The following TCFL5 variants were observed in gnomAD, a reference collection of about 807,000 sequenced individuals.
The protein encoded by TCFL5 is transcription factor-like 5 protein.
Under a neutral mutation model 44.3 loss-of-function variants are expected in TCFL5, and 9 were observed. The observed-to-expected ratio is 0.20, with a 90% CI of 0.12 to 0.35. The LOEUF (loss-of-function observed/expected upper bound fraction) is 0.35. Ranked by LOEUF, TCFL5 falls within the 10% of genes least tolerant of loss-of-function variation. TCFL5 has a pLI of 1.00. For missense variants in TCFL5, 603 were observed against 613.4 expected (o/e 0.98, Z 0.18); for synonymous variants, 319 against 271.6 (o/e 1.17, Z -1.72).
At chr20:62,850,726 C>T (rs1036590987) in intron 5 of TCFL5, among the ~76,000 whole-genome samples, 1 of 152,212 alleles carries the variant, frequency 6.6e-6, no homozygotes, top group Middle Eastern at 3.2e-3. Context: ...TAGCGGTCCA[C>T]CAGGCCCCAG....
rs779698049 is a variant in TCFL5 at position 62,861,719 on chromosome 20, C to CGGCGGGAGGCGGGA, written c.-63_-50dup. ...CGGCGAGGGCGACGCGGGCGGCGGG[C>CGGCGGGAGGCGGGA]GGCGGGAGGCGGGAGGCGGGAGGCG... On this transcript the variant is annotated 5_prime_UTR_variant, in exon 1 of 6. Coordinates refer to ENST00000335351, the MANE Select transcript of TCFL5 (RefSeq NM_006602.4). This position sits in a 1 kb window ranked among gnomAD's most constrained non-coding sequence, Gnocchi z 4.0. 160 of 135,444 alleles carry CGGCGGGAGGCGGGA rather than the reference C, an allele frequency of 1.2e-3. 1 individual carries two copies. Among genetic ancestry groups the CGGCGGGAGGCGGGA allele is most frequent in the East Asian group, 2.5e-3 (8 of 3,244 alleles). The allele number at this position is 135,444 out of a possible 1,614,324, so 8.4% of individuals were successfully genotyped here. A position where few individuals can be genotyped will look rare whatever the true frequency, so the allele number is the denominator to read the frequency against.
chr20:62,842,042 G>A lies in TCFL5; in HGVS notation c.1436C>T (p.Pro479Leu), dbSNP rs201056573. The A allele has an allele frequency of 6.1e-5, 98 of 1,614,216 alleles. No individual in the cohort carries two copies. In the East Asian group the frequency reaches 1.5e-3, roughly 24 times the overall value. ...TGCAGGACAGGTCACCAAGGAGTCC[G>A]GTCTGGTCAGCTTTAGCCTTCGGCC... ...KTGRRLKLTRPDSLVTCPAQG... is the reference protein window; with the variant it reads ...KTGRRLKLTRLDSLVTCPAQG... The change falls in exon 6 of 6, where the codon CCG becomes CTG. Residue 479 changes from proline (P) to leucine (L), a missense_variant. By Grantham distance (98) the Pro-to-Leu change is moderately conservative. Coordinates refer to ENST00000335351, the MANE Select transcript of TCFL5 (RefSeq NM_006602.4). This position sits in a 1 kb window ranked among gnomAD's most constrained non-coding sequence, Gnocchi z 4.3.
In TCFL5 at chr20:62,852,363, G is replaced by A. The variant is rs1002587796; in HGVS notation, c.1380+1653C>T. On this transcript the variant is annotated intron_variant, in intron 5 of 5. Transcript: ENST00000335351. ...GGCAGGGCCCAGGACCCTGGAACTCGGGTCCCCTGAAGGCAGGGCCCAGAA... is the reference window on the plus strand; with the variant it reads ...GGCAGGGCCCAGGACCCTGGAACTCAGGTCCCCTGAAGGCAGGGCCCAGAA... 19 of 981,208 alleles carry A rather than the reference G, an allele frequency of 1.9e-5. 1 individual carries two copies. Among genetic ancestry groups the A allele is most frequent in the Middle Eastern group, 1.0e-3 (2 of 1,926 alleles). The allele number at this position is 981,208 out of a possible 1,614,324, so 60.8% of individuals were successfully genotyped here. A position where few individuals can be genotyped will look rare whatever the true frequency, so the allele number is the denominator to read the frequency against.
In TCFL5 at chr20:62,854,028, A is replaced by C; in HGVS notation, c.1368T>G (p.Asp456Glu). The change falls in exon 5 of 6, where the codon GAT becomes GAG. Residue 456 changes from aspartate to glutamate, a missense_variant. Coordinates refer to ENST00000335351, the MANE Select transcript of TCFL5 (RefSeq NM_006602.4). ...GCCTACCACTAACCTTTTTAAGAGA[A>C]TCTCCATGTCTTTCCTGGATGTATT... ...FLKYIQERHGDSLKKEFESVF... is the reference protein window; with the variant it reads ...FLKYIQERHGESLKKEFESVF... The C allele has an allele frequency of 6.2e-7, 1 of 1,613,974 alleles. No homozygotes were observed. Among genetic ancestry groups the C allele is most frequent in the Non-Finnish European group, 8.5e-7 (1 of 1,179,988 alleles).
chr20:62,844,568 TTTGTTTG>T (rs2063716280), intron 5 of TCFL5, among the ~76,000 whole-genome samples: 1 of 142,080 alleles, frequency 7.0e-6, no homozygotes, highest in South Asian at 2.1e-4. Context: ...TCTGTTTTTT[TTTGTTTG>T]TTTTTTGTTT....
At position 62,859,225 on chromosome 20, in the gene TCFL5, C is replaced by T. The variant is rs925480548; in HGVS notation, c.994+139G>A. On this transcript the variant is annotated intron_variant, in intron 3 of 5. Transcript: ENST00000335351. The stretch of plus-strand genomic sequence containing the variant: ...GACAGGGAAGCGGGTGGACAGACCC[C>T]TGAGATACACAGACACCTCCAAGAC... 1.3e-5 allele frequency: 10 copies of T among 743,194 alleles called. No homozygotes were observed. In the African/African-American group the frequency reaches 1.8e-4, roughly 13 times the overall value. The allele number at this position is 743,194 out of a possible 1,614,324, so 46.0% of individuals were successfully genotyped here.
At position 62,841,410 on chromosome 20, in the gene TCFL5, T is replaced by C. The variant is rs1350693223; in HGVS notation, c.*565A>G. The C allele has an allele frequency of 1.3e-5, 2 of 153,540 alleles. No individual in the cohort carries two copies. Among genetic ancestry groups the C allele is most frequent in the Non-Finnish European group, 1.4e-5 (1 of 69,028 alleles). 9.5% of individuals were successfully genotyped at this position (153,540 alleles called of 1,614,324 possible). ...TATTTCATTTGTGGACAAAAGTAGC[T>C]TTAAAGCAAGTATCTGGAAAATTTT... On this transcript the variant is annotated 3_prime_UTR_variant, in exon 6 of 6. Transcript: ENST00000335351.
chr20:62,844,558 TCTG>T (rs768194065), intron 5 of TCFL5, among the ~76,000 whole-genome samples: 108 of 135,752 alleles, frequency 8.0e-4, no homozygotes, highest in Admixed American at 2.9e-3. Context: ...ACATTTTTTT[TCTG>T]TTTTTTTTTG....
rs1034080448 is a variant in TCFL5, at chr20:62,841,853, G to A, written c.*122C>T. Reference sequence around the variant, plus strand: ...CTCTCAAAGTCCCTACTGGAGTCCCGTCAGCTTGAGTCACGCCCTTTTCGA... The same window carrying A: ...CTCTCAAAGTCCCTACTGGAGTCCCATCAGCTTGAGTCACGCCCTTTTCGA... On this transcript the variant is annotated 3_prime_UTR_variant, in exon 6 of 6. Coordinates refer to ENST00000335351, the MANE Select transcript of TCFL5 (RefSeq NM_006602.4). 2.4e-5 allele frequency: 33 copies of A among 1,363,458 alleles called. No individual in the cohort carries two copies. The highest frequency in any genetic ancestry group is 2.9e-5 in the African/African-American group (2 of 68,120). The allele number at this position is 1,363,458 out of a possible 1,614,324, so 84.5% of individuals were successfully genotyped here.
In TCFL5 at chr20:62,845,185, G is replaced by A. The variant is rs960417288; in HGVS notation, c.1381-3088C>T. 1.5e-5 allele frequency: 14 copies of A among 962,498 alleles called. No homozygotes were observed. In the East Asian group the frequency reaches 3.5e-4, roughly 24 times the overall value. The allele number at this position is 962,498 out of a possible 1,614,324, so 59.6% of individuals were successfully genotyped here. ...CGCCCAGACTGGGGTGCAATGGCACGATCTCAGCTCACTGCAACCTTTGCC... is the reference window on the plus strand; with the variant it reads ...CGCCCAGACTGGGGTGCAATGGCACAATCTCAGCTCACTGCAACCTTTGCC... On this transcript the variant is annotated intron_variant, in intron 5 of 5. Transcript: ENST00000335351.
chr20:62,853,144 CAGTATAGTCACCCAGTCCACAAA>C (rs375015991), intron 5 of TCFL5, among the ~76,000 whole-genome samples: 74 of 137,222 alleles, frequency 5.4e-4, no homozygotes, highest in African/African-American at 1.8e-3. Flanking sequence ...ACCCGGTCCA[CAGTATAGTCACCCAGTCCACAAA>C]AGTATAGTCA....
rs1166459214 is a variant in TCFL5 at position 62,857,381 on chromosome 20, G to A, written c.1238+14C>T. 6.8e-6 allele frequency: 11 copies of A among 1,613,106 alleles called. No individual in the cohort carries two copies. Among genetic ancestry groups the A allele is most frequent in the South Asian group, 1.1e-5 (1 of 90,970 alleles). On this transcript the variant is annotated intron_variant, in intron 4 of 5. Coordinates refer to ENST00000335351, the MANE Select transcript of TCFL5 (RefSeq NM_006602.4). ...CATATATGAGTCAGCCTGACAAGCA[G>A]TCACACGTATTACCTTCTATCTCTT...
intron 2 of TCFL5, 86 bp from the exon 3 acceptor site, chr20:62,859,612 A>T (rs535825226): frequency 3.2e-6 from 4 of 1,262,138 alleles, no homozygotes; most frequent in Non-Finnish European, 4.4e-6. Flanking sequence ...CTTAACAAAC[A>T]TCAAAACTAC....
At chr20:62,852,656 G>A (rs910010609) in intron 5 of TCFL5, 11 of 974,316 alleles carry the variant, frequency 1.1e-5, no homozygotes, top group Admixed American at 6.3e-5. Flanking sequence ...ATATTCACCC[G>A]GTCCACAGAA....
rs574460483 is a variant in TCFL5 at position 62,844,797 on chromosome 20, T to C, written c.1381-2700A>G. The C allele has an allele frequency of 2.1e-5, 17 of 820,378 alleles. No homozygotes were observed. The East Asian group carries it at 5.1e-4, about 24-fold the overall frequency. 50.8% of individuals were successfully genotyped at this position (820,378 alleles called of 1,614,324 possible). ...TTTTAGTAGAGACAGGGTTTCACCATGTTGGCCAGGCTGGTCTCAAACTCC... is the reference window on the plus strand; with the variant it reads ...TTTTAGTAGAGACAGGGTTTCACCACGTTGGCCAGGCTGGTCTCAAACTCC... On this transcript the variant is annotated intron_variant, in intron 5 of 5. Transcript: ENST00000335351.
chr20:62,852,140 C>T, intron 5 of TCFL5: 1 of 985,450 alleles, frequency 1.0e-6, no homozygotes, highest in African/African-American at 1.7e-5. Flanking sequence ...TTGTTTGTTG[C>T]AGCAACCTTA....
chr20:62,852,834 T>C (rs2063829507), intron 5 of TCFL5: 1 of 1,288,264 alleles, frequency 7.8e-7, no homozygotes, highest in Non-Finnish European at 1.0e-6. Context: ...AAAGGTATAG[T>C]CAACCAGTCC....
At chr20:62,852,896 A>G in intron 5 of TCFL5, 1 of 1,289,762 alleles carries the variant, frequency 7.8e-7, no homozygotes, top group Middle Eastern at 2.1e-4. Flanking sequence ...AGTCTGCAGA[A>G]GTACATTCAC....
intron 4 of TCFL5, 91 bp downstream of exon 4, chr20:62,857,304 A>C: frequency 6.5e-7 from 1 of 1,530,138 alleles, no homozygotes; most frequent in African/African-American, 1.4e-5. Flanking sequence ...CTCTGAACGC[A>C]GAAACGGCTA....
Sources: allele counts gnomAD v4.1 joint callset (sites outside exome capture counted in the v4.1 genomes callset), GRCh38; gene constraint gnomAD v4.1.1; non-coding constraint Gnocchi (gnomAD v3.1); transcripts MANE v1.5; gene names NCBI Gene and HGNC (gene_info 2026-07-23, HGNC 2026-07-21).